RCC1: variants seen among roughly 807,000 people sequenced by gnomAD.
RCC1 encodes regulator of chromosome condensation.
In RCC1, 11 loss-of-function variants were observed where a neutral mutation model predicts 44.4. The ratio of observed to expected loss-of-function variants is 0.25; its 90% CI spans 0.16 to 0.41. RCC1 has a LOEUF of 0.41. Among genes scored for constraint, RCC1 ranks in the 10% least tolerant of loss-of-function variants. The probability of loss-of-function intolerance (pLI) is 1.00; values close to 1 mark genes in which losing one functional copy is unlikely to be tolerated. For missense variants in RCC1, 386 were observed against 547.1 expected (o/e 0.71, Z 2.94); for synonymous variants, 213 against 216.5 (o/e 0.98, Z 0.14).
chr1:28,531,740 C>A, intron 5 of RCC1, 63 bp from the exon 6 acceptor site: 2 of 1,390,808 alleles, frequency 1.4e-6, no homozygotes, highest in South Asian at 1.6e-5. Context: ...GATCCCAGAG[C>A]CTGTGACCTC....
At chr1:28,511,665 A>C (rs1337230592) in intron 3 of RCC1, among the ~76,000 whole-genome samples, 1 of 146,602 alleles carries the variant, frequency 6.8e-6, no homozygotes. Flanking sequence ...CACCATGCCC[A>C]GCTTTTTTTT....
At chr1:28,507,347 T>C (rs758931378) in intron 1 of RCC1, 9 of 517,606 alleles carry the variant, frequency 1.7e-5, no homozygotes, top group Non-Finnish European at 3.1e-5. Context: ...TCTGTAAATT[T>C]ATGCGTTACA....
intron 4 of RCC1, among the ~76,000 whole-genome samples, chr1:28,521,816 G>C (rs927858685): frequency 1.3e-5 from 2 of 152,196 alleles, no homozygotes; most frequent in Non-Finnish European, 2.9e-5. Flanking sequence ...AAGTGCATAG[G>C]GGATACTGGG....
chr1:28,508,084 T>C (rs1282501547), intron 1 of RCC1, 44 bp from the exon 2 acceptor site: 2 of 423,964 alleles, frequency 4.7e-6, no homozygotes, highest in Non-Finnish European at 9.7e-6. Context: ...GTTGAAAAAG[T>C]TTAGGGTTTT....
rs1664564607 is a variant in RCC1, at chr1:28,536,500, A to G, written c.937+119A>G. ...GTCTGTTCCATGGGTTGTACCATAC[A>G]TGGGTCCATGAGAGTCACTCTCATC... is the stretch of plus-strand genomic sequence containing the variant. On this transcript the variant is annotated intron_variant, in intron 11 of 12. Coordinates refer to ENST00000683442, the MANE Select transcript of RCC1 (RefSeq NM_001381865.2). The surrounding 1 kb of genome is among the most constrained non-coding windows in gnomAD (Gnocchi z 4.9). 7.5e-7 allele frequency: 1 copy of G among 1,325,330 alleles called. No homozygotes were observed. The highest frequency in any genetic ancestry group is 1.4e-5 in the South Asian group (1 of 71,914). The allele number at this position is 1,325,330 out of a possible 1,614,324, so 82.1% of individuals were successfully genotyped here.
At chr1:28,509,203 C>T (rs762449325) in intron 3 of RCC1, 1 of 288,816 alleles carries the variant, frequency 3.5e-6, no homozygotes, top group Admixed American at 4.9e-5. Context: ...CACATTCTTT[C>T]ACCTCATTCA....
intron 3 of RCC1, among the ~76,000 whole-genome samples, chr1:28,516,294 A>G (rs1282760297): frequency 6.6e-6 from 1 of 151,924 alleles, no homozygotes; most frequent in Admixed American, 6.6e-5. Context: ...TGGGTGGCTC[A>G]TGAGATCAGG....
chr1:28,534,127 C>T (rs1046626387), intron 7 of RCC1, among the ~76,000 whole-genome samples: 20 of 151,908 alleles, frequency 1.3e-4, no homozygotes, highest in Non-Finnish European at 2.1e-4. Context: ...ATCCGCCCGT[C>T]TGGGCCTCCC....
At chr1:28,531,234 C>T (rs145526562) in intron 5 of RCC1, among the ~76,000 whole-genome samples, 3,097 of 148,816 alleles carry the variant, frequency 0.021, 64 homozygotes, top group Non-Finnish European at 0.029. Context: ...CTCAAAATAA[C>T]AATAACAATA....
chr1:28,536,277 A>G lies in RCC1; in HGVS notation c.833A>G (p.Glu278Gly). ...NYHQLGTPGTESCFIPQNLTS... is the reference protein window; with the variant it reads ...NYHQLGTPGTGSCFIPQNLTS... The stretch of plus-strand genomic sequence containing the variant: ...TTTCCCCCAGGAACTCCGGGCACAG[A>G]ATCTTGCTTCATACCCCAGAACCTA... Residue 278 changes from glutamate (E) to glycine (G), a missense_variant, in exon 11 of 13, where the codon GAA becomes GGA. Glu to Gly is a moderately conservative substitution (Grantham distance 98). Coordinates refer to ENST00000683442, the MANE Select transcript of RCC1 (RefSeq NM_001381865.2). The surrounding 1 kb of genome is among the most constrained non-coding windows in gnomAD (Gnocchi z 4.9). 1 of 1,614,070 alleles carries G rather than the reference A, an allele frequency of 6.2e-7. No individual in the cohort carries two copies. The highest frequency in any genetic ancestry group is 1.1e-5 in the South Asian group (1 of 91,074).
At chr1:28,509,276 T>C (rs1662310820) in intron 3 of RCC1, 3 of 198,598 alleles carry the variant, frequency 1.5e-5, no homozygotes, top group Non-Finnish European at 1.0e-5. Flanking sequence ...GGTGGTTATA[T>C]TAAAAGTCCT....
chr1:28,526,448 G>A, intron 4 of RCC1: 1 of 509,488 alleles, frequency 2.0e-6, no homozygotes, highest in Non-Finnish European at 3.8e-6. Context: ...TGTTTATGTG[G>A]CCCAAAGCAC....
chr1:28,507,192 G>A (rs1314818321), intron 1 of RCC1: 3 of 365,150 alleles, frequency 8.2e-6, no homozygotes, highest in African/African-American at 2.1e-5. Flanking sequence ...CTATTGTAAA[G>A]TAATTAGAAT....
intron 7 of RCC1, among the ~76,000 whole-genome samples, chr1:28,533,321 A>C (rs1570218709): frequency 6.6e-6 from 1 of 151,832 alleles, no homozygotes; most frequent in South Asian, 2.1e-4. Context: ...AATACAAAAA[A>C]TTAGCCAAGC....
intron 3 of RCC1, among the ~76,000 whole-genome samples, chr1:28,512,880 C>T (rs1435649368): frequency 4.0e-5 from 6 of 150,414 alleles, no homozygotes; most frequent in South Asian, 2.1e-4. Context: ...CTGCAAGCTC[C>T]GCCTCCTGGG....
rs527341158 is a variant in RCC1 at position 28,524,656 on chromosome 1, G to A, written c.-9-5202G>A. Among the ~76,000 whole-genome samples, 33 of 152,134 alleles carry A rather than the reference G, an allele frequency of 2.2e-4. No individual in the cohort carries two copies. The South Asian group carries it at 5.2e-3, about 24-fold the overall frequency. On this transcript the variant is annotated intron_variant, in intron 4 of 12. Transcript: ENST00000683442. ...GAGAATCGCTTGAGCCCAGGAGTTCGGGACCAGCCTGGGCAACATGGCAAG... is the reference window on the plus strand; with the variant it reads ...GAGAATCGCTTGAGCCCAGGAGTTCAGGACCAGCCTGGGCAACATGGCAAG...
intron 4 of RCC1, among the ~76,000 whole-genome samples, chr1:28,520,845 A>C (rs975534060): frequency 6.6e-6 from 1 of 152,154 alleles, no homozygotes. Flanking sequence ...TGGGAGGCCA[A>C]GGTGGGCAGA....
At chr1:28,520,048 C>T (rs1054144776) in intron 4 of RCC1, among the ~76,000 whole-genome samples, 1 of 152,030 alleles carries the variant, frequency 6.6e-6, no homozygotes, top group African/African-American at 2.4e-5. Flanking sequence ...TGTGTCCCTT[C>T]CCCCAGGAAA....
chr1:28,530,635 G>A lies in RCC1; in HGVS notation c.73+696G>A, dbSNP rs201492357. ...GACCAGGTGGCTCCGCGCCCGGGGC[G>A]CCCTCTGTGCTGCCAGCGCGGGCTC... On this transcript the variant is annotated intron_variant, in intron 5 of 12. Coordinates refer to ENST00000683442, the MANE Select transcript of RCC1 (RefSeq NM_001381865.2). 1.2e-5 allele frequency: 19 copies of A among 1,580,778 alleles called. No individual in the cohort carries two copies. The East Asian group carries it at 3.8e-4, about 32-fold the overall frequency.
Sources: gnomAD v4.1 joint callset for allele counts (sites outside exome capture counted in the v4.1 genomes callset) on GRCh38, gnomAD v4.1.1 for gene constraint, Gnocchi (gnomAD v3.1) non-coding constraint, MANE v1.5 for transcripts, NCBI Gene and HGNC (gene_info 2026-07-23, HGNC 2026-07-21) for gene names.